The following NRXN1 variants were observed in gnomAD, a reference collection of about 807,000 sequenced individuals.
The protein encoded by NRXN1 is neurexin-1.
NRXN1 carries 39 observed loss-of-function variants against 150.9 expected under a neutral mutation model. The ratio of observed to expected loss-of-function variants is 0.26; its 90% CI spans 0.20 to 0.34. NRXN1 has a LOEUF of 0.34. NRXN1 is among the 10% of genes least tolerant of loss of function. The probability of loss-of-function intolerance (pLI) is 1.00; values close to 1 mark genes in which losing one functional copy is unlikely to be tolerated. For missense variants in NRXN1, 1,815 were observed against 1,949.9 expected, an observed-to-expected ratio of 0.93 and a Z score of 1.30; for synonymous variants, 924 against 757.0, an observed-to-expected ratio of 1.22 and a Z score of -3.62.
intron 17 of NRXN1, among the ~76,000 whole-genome samples, chr2:50,456,009 G>A (rs1163274636): frequency 1.3e-5 from 2 of 152,088 alleles, no homozygotes; most frequent in African/African-American, 4.8e-5. Flanking sequence ...CTGTACCACT[G>A]GAGTGAAGAA....
intron 18 of NRXN1, among the ~76,000 whole-genome samples, chr2:50,146,310 C>T (rs879497522): frequency 6.6e-6 from 1 of 151,616 alleles, no homozygotes; most frequent in Non-Finnish European, 1.5e-5. Context: ...CCATTTGACC[C>T]AGCAATCCCA....
chr2:50,655,498 G>A (rs769525952), intron 5 of NRXN1, among the ~76,000 whole-genome samples: 4 of 151,938 alleles, frequency 2.6e-5, no homozygotes, highest in Non-Finnish European at 5.9e-5. Flanking sequence ...TGCTGTGCTT[G>A]TTTGAATGTA....
intron 2 of NRXN1, among the ~76,000 whole-genome samples, chr2:51,025,106 A>G (rs1558607342): frequency 6.6e-6 from 1 of 151,820 alleles, no homozygotes; most frequent in Non-Finnish European, 1.5e-5. Flanking sequence ...TGCCTTTATC[A>G]CTCCATCTCC....
intron 17 of NRXN1, among the ~76,000 whole-genome samples, chr2:50,434,976 G>C (rs923434830): frequency 6.6e-6 from 1 of 151,920 alleles, no homozygotes; most frequent in Non-Finnish European, 1.5e-5. Context: ...GAAAATCATG[G>C]TATACACCAA....
At chr2:50,659,987 G>C (rs773820226) in intron 5 of NRXN1, among the ~76,000 whole-genome samples, 1 of 151,880 alleles carries the variant, frequency 6.6e-6, no homozygotes, top group Non-Finnish European at 1.5e-5. Flanking sequence ...AAGAGGACTG[G>C]CCTTTTTCTA....
chr2:50,787,585 AC>A (rs1041835136), intron 5 of NRXN1, among the ~76,000 whole-genome samples: 19 of 129,670 alleles, frequency 1.5e-4, no homozygotes, highest in African/African-American at 3.8e-4. Context: ...AAACAAAACA[AC>A]AACAACAACA....
chr2:50,602,761 A>C (rs1676485558), intron 8 of NRXN1, among the ~76,000 whole-genome samples: 1 of 152,212 alleles, frequency 6.6e-6, no homozygotes, highest in South Asian at 2.1e-4. Flanking sequence ...AAAAGAAAGC[A>C]TGTTTTGAAT....
At chr2:50,089,953 A>G (rs535957592) in intron 19 of NRXN1, among the ~76,000 whole-genome samples, 285 of 152,316 alleles carry the variant, frequency 1.9e-3, no homozygotes, top group African/African-American at 6.5e-3. Flanking sequence ...CTTATTGTAT[A>G]TGGTTCACAT....
intron 18 of NRXN1, among the ~76,000 whole-genome samples, chr2:50,179,839 T>TCCA (rs1243533013): frequency 6.6e-6 from 1 of 152,084 alleles, no homozygotes; most frequent in East Asian, 1.9e-4. Context: ...GAGCTAGACG[T>TCCA]CCAGGCAGAT....
chr2:50,053,609 A>T lies in NRXN1; in HGVS notation c.3809-19T>A, dbSNP rs1470295792. ...TGACGCCCTGTAAAAATAATATTAC[A>T]TACATGCAAAAATGTTGATTGTGAA... is the stretch of plus-strand genomic sequence containing the variant. On this transcript the variant is annotated intron_variant, in intron 20 of 22. Transcript: ENST00000401669. 3 of 1,612,252 alleles carry T rather than the reference A, an allele frequency of 1.9e-6. No individual in the cohort carries two copies. Among genetic ancestry groups the T allele is most frequent in the Admixed American group, 1.7e-5 (1 of 59,928 alleles).
At chr2:50,427,691 T>G (rs777485005) in intron 17 of NRXN1, among the ~76,000 whole-genome samples, 1 of 152,192 alleles carries the variant, frequency 6.6e-6, no homozygotes, top group Non-Finnish European at 1.5e-5. Context: ...CTAAATCAAT[T>G]TGGCAAAGTT....
At chr2:50,184,773 A>C (rs1323311739) in intron 18 of NRXN1, among the ~76,000 whole-genome samples, 2 of 152,074 alleles carry the variant, frequency 1.3e-5, no homozygotes, top group East Asian at 3.9e-4. Context: ...ATACTTGATA[A>C]TTGTAGAAAT....
At chr2:50,930,737 T>G (rs1287918726) in intron 2 of NRXN1, among the ~76,000 whole-genome samples, 2 of 152,146 alleles carry the variant, frequency 1.3e-5, no homozygotes, top group Non-Finnish European at 2.9e-5. Context: ...ACAGTATGTG[T>G]GCTCACACCA....
chr2:50,829,809 T>C, intron 5 of NRXN1: 1 of 1,457,250 alleles, frequency 6.9e-7, no homozygotes, highest in Non-Finnish European at 9.2e-7. Flanking sequence ...ACTTAACTTT[T>C]GGTAACATAA....
At chr2:50,545,770 G>C (rs1400924981) in intron 9 of NRXN1, among the ~76,000 whole-genome samples, 1 of 152,114 alleles carries the variant, frequency 6.6e-6, no homozygotes, top group Non-Finnish European at 1.5e-5. Context: ...CTCAGTATCT[G>C]TGGAAATTGG....
At chr2:50,907,573 C>T (rs368241277) in intron 5 of NRXN1, among the ~76,000 whole-genome samples, 1 of 151,876 alleles carries the variant, frequency 6.6e-6, no homozygotes, top group Non-Finnish European at 1.5e-5. Flanking sequence ...AGGGTAAGAA[C>T]CCTGGACCCA....
intron 5 of NRXN1, among the ~76,000 whole-genome samples, chr2:50,672,526 G>A (rs1689004371): frequency 1.3e-5 from 2 of 151,886 alleles, no homozygotes; most frequent in African/African-American, 4.8e-5. Flanking sequence ...TCTTTATAGA[G>A]GTCTTAGAAC....
At chr2:50,853,672 A>C (rs1282961900) in intron 5 of NRXN1, among the ~76,000 whole-genome samples, 2 of 152,108 alleles carry the variant, frequency 1.3e-5, no homozygotes, top group African/African-American at 4.8e-5. Flanking sequence ...ATAAACTCAG[A>C]TGTCTAGCTT....
Position 50,531,344 on chromosome 2 carries a change from A to C in NRXN1, c.2230T>G (p.Leu744Val), listed in dbSNP as rs2093102017. The C allele has an allele frequency of 6.2e-7, 1 of 1,613,434 alleles. No homozygotes were observed. Among genetic ancestry groups the C allele is most frequent in the East Asian group, 2.2e-5 (1 of 44,832 alleles). Residue 744 changes from leucine to valine, a missense_variant, in exon 11 of 23, where the codon TTA becomes GTA. By Grantham distance (32) the Leu-to-Val change is conservative. Around this residue, in one of 6 missense-constraint regions of NRXN1, gnomAD observed 638 missense variants for 652.6 expected, o/e 0.98. Transcript: ENST00000401669. ...TATGCACGCTGGGATCGGAACCGTAAGGAAACATCCTCAGCCTCCGTATGC... is the reference window on the plus strand; with the variant it reads ...TATGCACGCTGGGATCGGAACCGTACGGAAACATCCTCAGCCTCCGTATGC... Reference protein sequence around the residue: ...VMHTEAEDVSLRFRSQRAYGI... With the variant: ...VMHTEAEDVSVRFRSQRAYGI...
Sources: allele counts gnomAD v4.1 joint callset (sites outside exome capture counted in the v4.1 genomes callset), GRCh38; gene constraint gnomAD v4.1.1; regional missense constraint gnomAD v4.1.1; transcripts MANE v1.5; gene names NCBI Gene and HGNC (gene_info 2026-07-23, HGNC 2026-07-21).